The following TTC29 variants were observed in gnomAD, a reference collection of about 807,000 sequenced individuals.
TTC29 encodes the protein tetratricopeptide repeat domain 29, also known as tetratricopeptide repeat protein 29.
A neutral mutation model predicts 58.1 loss-of-function variants in TTC29; 49 were observed. That is an observed-to-expected ratio of 0.84 (90% confidence interval 0.67 to 1.07). The LOEUF (loss-of-function observed/expected upper bound fraction) is 1.07. Ranked by LOEUF, TTC29 falls within the 50% of genes least tolerant of loss-of-function variation. The pLI, the probability that TTC29 is intolerant of heterozygous loss-of-function variation, is 0.00. For missense variants in TTC29, 582 were observed against 555.6 expected (o/e 1.05, Z -0.48); for synonymous variants, 209 against 196.8 (o/e 1.06, Z -0.52).
chr4:146,792,524 C>T (rs1308725541), intron 11 of TTC29, among the ~76,000 whole-genome samples: 1 of 152,018 alleles, frequency 6.6e-6, no homozygotes, highest in African/African-American at 2.4e-5. Flanking sequence ...GAAATGTATA[C>T]AGAGATTATA....
At chr4:146,717,939 T>C (rs1191656849) in intron 11 of TTC29, among the ~76,000 whole-genome samples, 1 of 149,352 alleles carries the variant, frequency 6.7e-6, no homozygotes, top group Non-Finnish European at 1.5e-5. Flanking sequence ...TCTCTGCTTC[T>C]TTGAGTTAGA....
chr4:146,915,815 CT>C, intron 4 of TTC29, among the ~76,000 whole-genome samples: 1 of 151,536 alleles, frequency 6.6e-6, no homozygotes, highest in Non-Finnish European at 1.5e-5. Context: ...CAAGATGAAG[CT>C]TTACAGTCAG....
intron 4 of TTC29, among the ~76,000 whole-genome samples, chr4:146,909,579 A>AG (rs1428688094): frequency 2.2e-5 from 1 of 45,298 alleles, no homozygotes; most frequent in East Asian, 8.8e-4. Context: ...GCCTCCCACC[A>AG]AAAAAAACCT....
chr4:146,860,341 G>A (rs1340841202), intron 8 of TTC29, among the ~76,000 whole-genome samples: 1 of 152,028 alleles, frequency 6.6e-6, no homozygotes, highest in East Asian at 1.9e-4. Context: ...TATTACTTTA[G>A]TGAAACACTA....
At chr4:146,844,948 C>T (rs556461289) in intron 8 of TTC29, among the ~76,000 whole-genome samples, 7 of 152,256 alleles carry the variant, frequency 4.6e-5, no homozygotes, top group Admixed American at 1.3e-4. Flanking sequence ...CCAACTGACT[C>T]GTGTCAGCAG....
At chr4:146,710,036 G>C (rs1742367527) in intron 11 of TTC29, among the ~76,000 whole-genome samples, 1 of 152,102 alleles carries the variant, frequency 6.6e-6, no homozygotes, top group African/African-American at 2.4e-5. Context: ...CCTATCAGTA[G>C]AGAACTATTT....
At chr4:146,809,596 G>T (rs761994274) in intron 10 of TTC29, among the ~76,000 whole-genome samples, 1 of 149,634 alleles carries the variant, frequency 6.7e-6, no homozygotes, top group African/African-American at 2.5e-5. Context: ...TCAAAAAGTG[G>T]GCAAAGGATA....
intron 10 of TTC29, among the ~76,000 whole-genome samples, chr4:146,818,465 AACACTTTT>A (rs1751578770): frequency 2.6e-5 from 4 of 152,218 alleles, no homozygotes; most frequent in Admixed American, 2.6e-4. Context: ...GAGAAATAGG[AACACTTTT>A]ACACTGTTGG....
chr4:146,739,878 A>G (rs756491262), intron 11 of TTC29, among the ~76,000 whole-genome samples: 5 of 152,196 alleles, frequency 3.3e-5, no homozygotes, highest in Non-Finnish European at 5.9e-5. Flanking sequence ...GCTAGGCTAC[A>G]TCTCTCAGCC....
chr4:146,860,276 G>T (rs1360898006), intron 8 of TTC29, among the ~76,000 whole-genome samples: 5 of 152,030 alleles, frequency 3.3e-5, no homozygotes, highest in Admixed American at 6.6e-5. Flanking sequence ...GATAGAAATT[G>T]TTTCTCATAC....
chr4:146,708,307 T>TA (rs1742140331), intron 11 of TTC29, among the ~76,000 whole-genome samples: 1 of 79,788 alleles, frequency 1.3e-5, no homozygotes, highest in African/African-American at 4.8e-5. Context: ...ATATGGGAAG[T>TA]TTATATATAT....
intron 9 of TTC29, among the ~76,000 whole-genome samples, chr4:146,829,986 A>G (rs1033445913): frequency 6.6e-6 from 1 of 152,042 alleles, no homozygotes; most frequent in African/African-American, 2.4e-5. Flanking sequence ...AAATATAGGG[A>G]TTTTCCCTCT....
chr4:146,846,357 T>C (rs565021737), intron 8 of TTC29, among the ~76,000 whole-genome samples: 1 of 152,334 alleles, frequency 6.6e-6, no homozygotes, highest in Admixed American at 6.5e-5. Flanking sequence ...ATGCTAAGTG[T>C]GGACCGGTGG....
chr4:146,773,480 G>T (rs1245861884), intron 11 of TTC29, among the ~76,000 whole-genome samples: 1 of 152,126 alleles, frequency 6.6e-6, no homozygotes, highest in Non-Finnish European at 1.5e-5. Context: ...ATGATCATGA[G>T]ATTTTTGTTT....
intron 8 of TTC29, among the ~76,000 whole-genome samples, chr4:146,838,398 TC>T (rs1728645320): frequency 4.3e-5 from 3 of 69,638 alleles, no homozygotes; most frequent in Admixed American, 3.7e-4. Flanking sequence ...TTGTCAACTG[TC>T]AAAAAAAAAA....
At chr4:146,780,036 G>T (rs1427512246) in intron 11 of TTC29, among the ~76,000 whole-genome samples, 1 of 152,106 alleles carries the variant, frequency 6.6e-6, no homozygotes, top group African/African-American at 2.4e-5. Flanking sequence ...TAGATCTGCA[G>T]AGATTCTCAA....
chr4:146,922,734 A>G (rs1734677640), intron 4 of TTC29, among the ~76,000 whole-genome samples: 1 of 151,622 alleles, frequency 6.6e-6, no homozygotes, highest in South Asian at 2.1e-4. Flanking sequence ...CCAACCCTAG[A>G]CCCCGTATTA....
rs116463586 is a variant in TTC29, at chr4:146,917,117, T to A, written c.177-7868A>T. On this transcript the variant is annotated intron_variant, in intron 4 of 12. Coordinates refer to ENST00000325106, the MANE Select transcript of TTC29 (RefSeq NM_031956.4). ...AATCATAAATAATATGACTACTGCT[T>A]ATTTTCTATATGATTTAATTTAATT... 4.5e-3 allele frequency among the ~76,000 whole-genome samples: 676 copies of A among 151,158 alleles called. 6 individuals carry two copies. The highest frequency in any genetic ancestry group is 0.015 in the African/African-American group (613 of 41,472).
intron 10 of TTC29, among the ~76,000 whole-genome samples, chr4:146,818,368 T>C (rs1751569433): frequency 6.6e-6 from 1 of 152,056 alleles, no homozygotes; most frequent in South Asian, 2.1e-4. Context: ...CAAATGCAAA[T>C]CAAAACCACA....
Sources: gnomAD v4.1 joint callset for allele counts (sites outside exome capture counted in the v4.1 genomes callset) on GRCh38, gnomAD v4.1.1 for gene constraint, MANE v1.5 for transcripts, NCBI Gene and HGNC (gene_info 2026-07-23, HGNC 2026-07-21) for gene names.